The following LIFR variants were observed in gnomAD, a reference collection of about 807,000 sequenced individuals.
LIFR encodes leukemia inhibitory factor receptor.
LIFR carries 84 observed loss-of-function variants against 122.2 expected under a neutral mutation model. The ratio of observed to expected loss-of-function variants is 0.69; its 90% confidence interval spans 0.58 to 0.82. The LOEUF is 0.82. Ranked by LOEUF, LIFR falls within the 40% of genes least tolerant of loss-of-function variation. LIFR has a pLI of 0.00. For synonymous variants in LIFR, 422 were observed against 434.7 expected, an observed-to-expected ratio of 0.97 and a Z score of 0.36; for missense variants, 1,294 against 1,311.6, an observed-to-expected ratio of 0.99 and a Z score of 0.21.
At chr5:38,600,431 T>G (rs1750201607) in intron 2 of LIFR, among the ~76,000 whole-genome samples, 1 of 152,240 alleles carries the variant, frequency 6.6e-6, no homozygotes, top group African/African-American at 2.4e-5. Context: ...TCCTTTAGTT[T>G]TAACTATTTG....
At chr5:38,542,231 G>A (rs1459127669) in intron 1 of LIFR, among the ~76,000 whole-genome samples, 1 of 152,210 alleles carries the variant, frequency 6.6e-6, no homozygotes, top group Non-Finnish European at 1.5e-5. Flanking sequence ...GTACCCACAT[G>A]TGGGGACACT....
Position 38,478,923 on chromosome 5 carries a change from T to A in LIFR, c.*2672A>T, listed in dbSNP as rs1743845873. 4.4e-6 allele frequency: 1 copy of A among 229,302 alleles called. No individual in the cohort carries two copies. Among genetic ancestry groups the A allele is most frequent in the Admixed American group, 5.7e-5 (1 of 17,654 alleles). The allele number at this position is 229,302 out of a possible 1,614,324, so 14.2% of individuals were successfully genotyped here. A position where few individuals can be genotyped will look rare whatever the true frequency, so the allele number is the denominator to read the frequency against. ...TCTAGCCTCTGCTTCTAACTAGTCC[T>A]TAATTGTAGCTTCCAAGGGAGAAGC... is the stretch of plus-strand genomic sequence containing the variant. On this transcript the variant is annotated 3_prime_UTR_variant, in exon 20 of 20. Transcript: ENST00000453190.
Position 38,506,632 on chromosome 5 carries a change from T to C in LIFR, c.992A>G (p.Tyr331Cys). The C allele has an allele frequency of 6.2e-7, 1 of 1,612,044 alleles. No individual in the cohort carries two copies. Among genetic ancestry groups the C allele is most frequent in the Non-Finnish European group, 8.5e-7 (1 of 1,178,236 alleles). Residue 331 changes from tyrosine to cysteine, a missense_variant and splice_region_variant, in exon 8 of 20, where the codon TAT becomes TGT. By Grantham distance (194) the Tyr-to-Cys change is radical. Coordinates refer to ENST00000453190, the MANE Select transcript of LIFR (RefSeq NM_001127671.2). Reference sequence around the variant, plus strand: ...CAGTTGTTGAGGAGTATCTGGTGGATCTAACAGAAAAAAAATGCAGGTACT... The same window carrying C: ...CAGTTGTTGAGGAGTATCTGGTGGACCTAACAGAAAAAAAATGCAGGTACT... ...NIFGTVIFAG[Y>C]PPDTPQQLNC...
chr5:38,520,468 T>C (rs1355289068), intron 5 of LIFR, among the ~76,000 whole-genome samples: 3 of 152,220 alleles, frequency 2.0e-5, no homozygotes, highest in African/African-American at 7.2e-5. Context: ...TTTAATATAA[T>C]CTATTTTTGC....
At chr5:38,533,471 C>T (rs752104964) in intron 1 of LIFR, among the ~76,000 whole-genome samples, 19 of 152,258 alleles carry the variant, frequency 1.2e-4, no homozygotes, top group Middle Eastern at 3.4e-3. Flanking sequence ...CTTTTAAAGG[C>T]CTTGTTTGTG....
At position 38,502,230 on chromosome 5, in the gene LIFR, C is replaced by T. The variant is rs572722773; in HGVS notation, c.1600+407G>A. On this transcript the variant is annotated intron_variant, in intron 11 of 19. Coordinates refer to ENST00000453190, the MANE Select transcript of LIFR (RefSeq NM_001127671.2). ...GTATTACATAATTTATCTAAACATT[C>T]CCCCACCTTTAAGGACTCTAATAGC... Among the ~76,000 whole-genome samples, 17 of 152,024 alleles carry T rather than the reference C, an allele frequency of 1.1e-4. No homozygotes were observed. In the East Asian group the frequency reaches 3.1e-3, roughly 28 times the overall value.
At chr5:38,539,990 C>A (rs545322985) in intron 1 of LIFR, among the ~76,000 whole-genome samples, 18 of 152,172 alleles carry the variant, frequency 1.2e-4, no homozygotes, top group African/African-American at 4.1e-4. Context: ...ACAGAAAGGT[C>A]ATACAGCTAG....
intron 1 of LIFR, among the ~76,000 whole-genome samples, chr5:38,582,688 A>G (rs1186326841): frequency 6.6e-6 from 1 of 152,206 alleles, no homozygotes; most frequent in African/African-American, 2.4e-5. Flanking sequence ...ATACTAAATC[A>G]AATTGCTAGG....
chr5:38,589,182 T>C (rs1749845662), intron 1 of LIFR, among the ~76,000 whole-genome samples: 1 of 151,794 alleles, frequency 6.6e-6, no homozygotes, highest in African/African-American at 2.4e-5. Flanking sequence ...TTTTTTTTTG[T>C]ATTTTTAGTA....
intron 1 of LIFR, among the ~76,000 whole-genome samples, chr5:38,568,459 CT>C (rs1330954975): frequency 6.6e-6 from 1 of 152,082 alleles, no homozygotes; most frequent in Non-Finnish European, 1.5e-5. Context: ...GGAGAGGTAT[CT>C]GGGGGGCCAA....
Position 38,517,856 on chromosome 5 carries a change from C to CAAAAAAAAAA in LIFR, c.561+5553_561+5562dup, listed in dbSNP as rs572954936. 1.1e-3 allele frequency among the ~76,000 whole-genome samples: 16 copies of CAAAAAAAAAA among 15,046 alleles called. 5 individuals carry two copies. The East Asian group carries it at 0.056, about 53-fold the overall frequency. 9.9% of individuals were successfully genotyped at this position (15,046 alleles called of 152,430 possible). On this transcript the variant is annotated intron_variant, in intron 5 of 19. Coordinates refer to ENST00000453190, the MANE Select transcript of LIFR (RefSeq NM_001127671.2). ...TGTGCAACAGAGCAAGACACTGTCT[C>CAAAAAAAAAA]AAAAAAAAAAAAAAAAAAAAAAAAA...
chr5:38,500,334 A>C (rs1217995345), intron 11 of LIFR, among the ~76,000 whole-genome samples: 1 of 152,228 alleles, frequency 6.6e-6, no homozygotes. Context: ...CCTCATCCGA[A>C]ATGCTTGGGA....
upstream of LIFR, among the ~76,000 whole-genome samples, chr5:38,597,418 C>G (rs557317070): frequency 6.6e-6 from 1 of 152,202 alleles, no homozygotes; most frequent in Admixed American, 6.5e-5. Context: ...TAGCATCCCT[C>G]TAGCCCAGGG....
At position 38,476,417 on chromosome 5, in the gene LIFR, T is replaced by TAAA. The variant is rs928691941; in HGVS notation, c.*5177_*5178insTTT. 9.6e-6 allele frequency: 2 copies of TAAA among 209,104 alleles called. No homozygotes were observed. The highest frequency in any genetic ancestry group is 4.5e-5 in the African/African-American group (2 of 44,014). The allele number at this position is 209,104 out of a possible 1,614,324, so 13.0% of individuals were successfully genotyped here. A position where few individuals can be genotyped will look rare whatever the true frequency, so the allele number is the denominator to read the frequency against. ...AAAATGGAATAATTCTTAACGGAAG[T>TAAA]ACACTTTAAATGTATAAGGAAATTC... On this transcript the variant is annotated 3_prime_UTR_variant, in exon 20 of 20. Coordinates refer to ENST00000453190, the MANE Select transcript of LIFR (RefSeq NM_001127671.2).
chr5:38,528,559 T>C (rs1213419208), intron 3 of LIFR, 167 bp downstream of exon 3: 4 of 658,194 alleles, frequency 6.1e-6, no homozygotes, highest in Non-Finnish European at 1.1e-5. Flanking sequence ...CTCATAATGC[T>C]TGGTGCCCTA....
chr5:38,486,086 G>T, intron 16 of LIFR, 106 bp from the exon 17 acceptor site: 1 of 979,030 alleles, frequency 1.0e-6, no homozygotes. Context: ...TCTAGCTGAG[G>T]CCATCCCAGC....
chr5:38,493,223 T>C (rs1237012371), intron 14 of LIFR, among the ~76,000 whole-genome samples: 1 of 152,190 alleles, frequency 6.6e-6, no homozygotes, highest in Non-Finnish European at 1.5e-5. Context: ...TTTTTTTTTT[T>C]CATGAACATT....
At chr5:38,601,973 T>C (rs1350724594) in intron 2 of LIFR, among the ~76,000 whole-genome samples, 1 of 152,216 alleles carries the variant, frequency 6.6e-6, no homozygotes, top group African/African-American at 2.4e-5. Context: ...CACCGCATCA[T>C]CCTTGACTCA....
chr5:38,588,623 A>C (rs1209845924), intron 1 of LIFR, among the ~76,000 whole-genome samples: 1 of 152,206 alleles, frequency 6.6e-6, no homozygotes, highest in Non-Finnish European at 1.5e-5. Context: ...TAAAGAATAA[A>C]ATATTTATAA....
Sources: gnomAD v4.1 joint callset for allele counts (sites outside exome capture counted in the v4.1 genomes callset) on GRCh38, gnomAD v4.1.1 for gene constraint, MANE v1.5 for transcripts, NCBI Gene and HGNC (gene_info 2026-07-23, HGNC 2026-07-21) for gene names.